Variants in PLOD1 observed in about 807,000 individuals in gnomAD.
The protein encoded by PLOD1 is lysine hydroxylase.
Under a neutral mutation model 94.7 loss-of-function variants are expected in PLOD1, and 70 were observed. That is an observed-to-expected ratio of 0.74 (90% CI 0.61 to 0.90). PLOD1 has a LOEUF of 0.90. Ranked by LOEUF, PLOD1 falls within the 40% of genes least tolerant of loss-of-function variation. The probability of loss-of-function intolerance (pLI) is 0.00; values close to 1 mark genes in which losing one functional copy is unlikely to be tolerated. For synonymous variants in PLOD1, 417 were observed against 400.2 expected (o/e 1.04, Z -0.50); for missense variants, 905 against 972.7 (o/e 0.93, Z 0.93).
Position 11,957,978 on chromosome 1 carries a change from C to CG in PLOD1, c.843+41dup. ...CGCCCAGGCCTGTGCCTGAGGGACA[C>CG]GGGGGGCTCAGTCCCCTGAGATGGC... On this transcript the variant is annotated intron_variant, in intron 8 of 18. Coordinates refer to ENST00000196061, the MANE Select transcript of PLOD1 (RefSeq NM_000302.4). This position sits in a 1 kb window ranked among gnomAD's most constrained non-coding sequence, Gnocchi z 4.1. 3.0e-6 allele frequency: 4 copies of CG among 1,351,492 alleles called. No individual in the cohort carries two copies. Among genetic ancestry groups the CG allele is most frequent in the Admixed American group, 1.7e-5 (1 of 59,630 alleles). The allele number at this position is 1,351,492 out of a possible 1,614,324, so 83.7% of individuals were successfully genotyped here. A position where few individuals can be genotyped will look rare whatever the true frequency, so the allele number is the denominator to read the frequency against.
chr1:11,955,679 A>C (rs1645733225), intron 6 of PLOD1, among the ~76,000 whole-genome samples: 1 of 152,006 alleles, frequency 6.6e-6, no homozygotes, highest in African/African-American at 2.4e-5. Context: ...GCTGGAATGC[A>C]GTGGCGAATT....
chr1:11,935,816 G>T (rs1451358879), intron 1 of PLOD1, among the ~76,000 whole-genome samples: 1 of 152,082 alleles, frequency 6.6e-6, no homozygotes, highest in Non-Finnish European at 1.5e-5. Context: ...GTTGAGATGG[G>T]GTTTCACCAT....
At chr1:11,944,620 C>G (rs779072214) in intron 1 of PLOD1, 1 of 1,365,086 alleles carries the variant, frequency 7.3e-7, no homozygotes, top group African/African-American at 1.5e-5. Flanking sequence ...GAGCCCTTCC[C>G]CAAGTGTGAG....
At position 11,967,001 on chromosome 1, in the gene PLOD1, C is replaced by A; in HGVS notation, c.1665C>A (p.Val555=). 1 of 1,612,610 alleles carries A rather than the reference C, an allele frequency of 6.2e-7. No individual in the cohort carries two copies. Among genetic ancestry groups the A allele is most frequent in the Non-Finnish European group, 8.5e-7 (1 of 1,178,582 alleles). ...GCCCTCCCCAGCCCTGCCCGGATGTCTATTGGTTCCCCATCTTCACGGAGG... is the reference window on the plus strand; with the variant it reads ...GCCCTCCCCAGCCCTGCCCGGATGTATATTGGTTCCCCATCTTCACGGAGG... ...GKLVETPCPD[V]YWFPIFTEVA... is the part of the protein sequence containing the mutation. The change falls in exon 16 of 19, where the codon GTC becomes GTA. Residue 555 remains valine, a synonymous_variant. Coordinates refer to ENST00000196061, the MANE Select transcript of PLOD1 (RefSeq NM_000302.4).
chr1:11,961,911 C>G lies in PLOD1; in HGVS notation c.1097+1144C>G, dbSNP rs185793155. Among the ~76,000 whole-genome samples the G allele has an allele frequency of 1.5e-3, 235 of 152,342 alleles. 1 individual carries two copies. The highest frequency in any genetic ancestry group is 4.2e-3 in the Admixed American group (64 of 15,308). On this transcript the variant is annotated intron_variant, in intron 10 of 18. Coordinates refer to ENST00000196061, the MANE Select transcript of PLOD1 (RefSeq NM_000302.4). ...TCAAGCCATTCTCTTGCCTCAGCCT[C>G]TCAAGTAGATGGGATTACAGGTGCT...
At chr1:11,944,552 G>A (rs749471041) in intron 1 of PLOD1, 2 of 1,352,072 alleles carry the variant, frequency 1.5e-6, no homozygotes, top group Admixed American at 2.0e-5. Flanking sequence ...CTCAGAGCTG[G>A]TGGCTCTGGT....
At chr1:11,967,224 G>A (rs1645825258) in intron 16 of PLOD1, 133 bp downstream of exon 16, 1 of 675,118 alleles carries the variant, frequency 1.5e-6, no homozygotes, top group Non-Finnish European at 2.7e-6. Context: ...TGCTGGCATG[G>A]GTATCTGCAG....
chr1:11,970,663 C>T lies in PLOD1; in HGVS notation c.1756-7C>T, dbSNP rs752659799. On this transcript the variant is annotated splice_polypyrimidine_tract_variant and splice_region_variant and intron_variant, in intron 16 of 18. Coordinates refer to ENST00000196061, the MANE Select transcript of PLOD1 (RefSeq NM_000302.4). ...TCTGCCTAAACATTCACCTCGGTCA[C>T]CTCCAGGACAACCGCATCCAGGGTG... 1.5e-5 allele frequency: 25 copies of T among 1,612,942 alleles called. No individual in the cohort carries two copies. Among genetic ancestry groups the T allele is most frequent in the Non-Finnish European group, 5.1e-6 (6 of 1,179,882 alleles).
At chr1:11,951,981 C>T (rs992469990) in intron 4 of PLOD1, among the ~76,000 whole-genome samples, 12 of 152,212 alleles carry the variant, frequency 7.9e-5, no homozygotes, top group Admixed American at 2.0e-4. Context: ...TTCCACTGCA[C>T]GGAGAATAAA....
At chr1:11,951,658 G>A (rs1379690631) in intron 4 of PLOD1, among the ~76,000 whole-genome samples, 1 of 147,840 alleles carries the variant, frequency 6.8e-6, no homozygotes. Context: ...GGTGGCTCAT[G>A]CCTGTAATCT....
rs114061753 is a variant in PLOD1 at position 11,967,504 on chromosome 1, G to A, written c.1755+413G>A. Among the ~76,000 whole-genome samples, 611 of 147,308 alleles carry A rather than the reference G, an allele frequency of 4.1e-3. 3 individuals carry two copies. The highest frequency in any genetic ancestry group is 0.015 in the African/African-American group (592 of 38,594). ...GCAGGTGGCCTGCTGAGGGTGCTAG[G>A]CCCTGTGTTCTCTCCGTGAGAATCC... On this transcript the variant is annotated intron_variant, in intron 16 of 18. Coordinates refer to ENST00000196061, the MANE Select transcript of PLOD1 (RefSeq NM_000302.4).
rs1645747245 is a variant in PLOD1, at chr1:11,957,484, T to C, written c.742-358T>C. Among the ~76,000 whole-genome samples, 1 of 152,156 alleles carries C rather than the reference T, an allele frequency of 6.6e-6. No individual in the cohort carries two copies. The highest frequency in any genetic ancestry group is 6.5e-5 in the Admixed American group (1 of 15,280). ...AACTGGCTCATAGCTCATAGCATAT[T>C]TGAGTGTGGTCCTTCACCGCTGGAA... On this transcript the variant is annotated intron_variant, in intron 7 of 18. Coordinates refer to ENST00000196061, the MANE Select transcript of PLOD1 (RefSeq NM_000302.4). The surrounding 1 kb of genome is among the most constrained non-coding windows in gnomAD (Gnocchi z 4.1).
chr1:11,957,781 A>G lies in PLOD1; in HGVS notation c.742-61A>G, dbSNP rs1020072589. 1 of 1,109,520 alleles carries G rather than the reference A, an allele frequency of 9.0e-7. No homozygotes were observed. 68.7% of individuals were successfully genotyped at this position (1,109,520 alleles called of 1,614,324 possible). ...CCCACTGGGGGCCCAGGGAGATGTG[A>G]GTCAGGGCTATGGCAGGTGGGGCTG... On this transcript the variant is annotated intron_variant, in intron 7 of 18. Coordinates refer to ENST00000196061, the MANE Select transcript of PLOD1 (RefSeq NM_000302.4). This position sits in a 1 kb window ranked among gnomAD's most constrained non-coding sequence, Gnocchi z 4.1.
At chr1:11,950,786 C>T (rs1383079312) in intron 4 of PLOD1, among the ~76,000 whole-genome samples, 1 of 152,062 alleles carries the variant, frequency 6.6e-6, no homozygotes, top group Non-Finnish European at 1.5e-5. Flanking sequence ...CAATGCCAGT[C>T]ACCTGTCTAC....
At chr1:11,936,401 G>T (rs1320709841) in intron 1 of PLOD1, among the ~76,000 whole-genome samples, 1 of 151,232 alleles carries the variant, frequency 6.6e-6, no homozygotes, top group East Asian at 1.9e-4. Context: ...AGCAGAAGTG[G>T]CGGTACTTTC....
Position 11,957,767 on chromosome 1 carries a change from C to A in PLOD1, c.742-75C>A. 1 of 977,818 alleles carries A rather than the reference C, an allele frequency of 1.0e-6. No individual in the cohort carries two copies. The highest frequency in any genetic ancestry group is 1.7e-5 in the Admixed American group (1 of 59,272). The allele number at this position is 977,818 out of a possible 1,614,324, so 60.6% of individuals were successfully genotyped here. ...CTGGATGGTGCTGACCCACTGGGGG[C>A]CCAGGGAGATGTGAGTCAGGGCTAT... On this transcript the variant is annotated intron_variant, in intron 7 of 18. Coordinates refer to ENST00000196061, the MANE Select transcript of PLOD1 (RefSeq NM_000302.4). This position sits in a 1 kb window ranked among gnomAD's most constrained non-coding sequence, Gnocchi z 4.1.
At chr1:11,945,771 C>T (rs1645649242) in intron 1 of PLOD1, among the ~76,000 whole-genome samples, 1 of 152,052 alleles carries the variant, frequency 6.6e-6, no homozygotes. Flanking sequence ...TGCAGTGGTG[C>T]GATCTTGGCT....
At chr1:11,940,521 C>A (rs1645608457) in intron 1 of PLOD1, among the ~76,000 whole-genome samples, 1 of 152,346 alleles carries the variant, frequency 6.6e-6, no homozygotes, top group Admixed American at 6.5e-5. Flanking sequence ...GAGGTACTAT[C>A]ATCTGTATTA....
chr1:11,950,200 C>T (rs1178836655), intron 3 of PLOD1, among the ~76,000 whole-genome samples, 157 bp from the exon 4 acceptor site: 1 of 152,190 alleles, frequency 6.6e-6, no homozygotes, highest in African/African-American at 2.4e-5. Context: ...GGCAGGGCTG[C>T]AGACAGAGAC....
Sources: allele counts gnomAD v4.1 joint callset (sites outside exome capture counted in the v4.1 genomes callset), GRCh38; gene constraint gnomAD v4.1.1; non-coding constraint Gnocchi (gnomAD v3.1); transcripts MANE v1.5; gene names NCBI Gene and HGNC (gene_info 2026-07-23, HGNC 2026-07-21).